IGFBP7: variants seen among roughly 807,000 people sequenced by gnomAD.
IGFBP7 encodes the protein insulin-like growth factor-binding protein 7.
Under a neutral mutation model 29.4 loss-of-function variants are expected in IGFBP7, and 31 were observed. The observed-to-expected ratio is 1.05, with a 90% CI of 0.79 to 1.42. The LOEUF is 1.42. Ranked by LOEUF, IGFBP7 falls within the 40% of genes most tolerant of loss-of-function variation. The pLI, the probability that IGFBP7 is intolerant of heterozygous loss-of-function variation, is 0.00. For synonymous variants in IGFBP7, 172 were observed against 174.9 expected (o/e 0.98, Z 0.13); for missense variants, 393 against 395.5 (o/e 0.99, Z 0.05).
chr4:57,031,028 T>G lies in IGFBP7; in HGVS notation c.*289A>C, dbSNP rs1232480471. 8.3e-7 allele frequency: 1 copy of G among 1,201,052 alleles called. No individual in the cohort carries two copies. The highest frequency in any genetic ancestry group is 1.5e-5 in the African/African-American group (1 of 67,082). The allele number at this position is 1,201,052 out of a possible 1,614,324, so 74.4% of individuals were successfully genotyped here. On this transcript the variant is annotated 3_prime_UTR_variant, in exon 5 of 5. Coordinates refer to ENST00000295666, the MANE Select transcript of IGFBP7 (RefSeq NM_001553.3). The stretch of plus-strand genomic sequence containing the variant: ...TCAACAAGATAATTAAATATCTTGG[T>G]GTCTTGTTTCTATTGTGTGGCTTTT...
chr4:57,046,352 G>C (rs1277303), intron 1 of IGFBP7, among the ~76,000 whole-genome samples: 126,061 of 152,006 alleles, frequency 0.83, 52,560 homozygotes, highest in East Asian at 0.96. Context: ...GGAGAGCACT[G>C]TACTCAATGA....
chr4:57,085,740 C>T (rs1365003205), intron 1 of IGFBP7, among the ~76,000 whole-genome samples: 2 of 152,070 alleles, frequency 1.3e-5, no homozygotes, highest in Non-Finnish European at 2.9e-5. Context: ...AATTGGTTTT[C>T]CACAGCCTTA....
chr4:57,105,133 C>A (rs1296403656), intron 1 of IGFBP7, among the ~76,000 whole-genome samples: 1 of 152,190 alleles, frequency 6.6e-6, no homozygotes, highest in Non-Finnish European at 1.5e-5. Context: ...CCACTCAGGG[C>A]CCAAGGCCTT....
At chr4:57,076,434 G>T (rs764080213) in intron 1 of IGFBP7, among the ~76,000 whole-genome samples, 4 of 152,174 alleles carry the variant, frequency 2.6e-5, no homozygotes, top group Admixed American at 6.6e-5. Context: ...CTTGGCTCTT[G>T]CTTGTCACTC....
At chr4:57,108,578 GT>G (rs1301236719) in intron 1 of IGFBP7, among the ~76,000 whole-genome samples, 18 of 151,386 alleles carry the variant, frequency 1.2e-4, no homozygotes, top group Non-Finnish European at 2.7e-4. Context: ...GTCTCTGTCT[GT>G]CACCCAGGCT....
chr4:57,065,479 A>G (rs1724895967), intron 1 of IGFBP7: 1 of 152,252 alleles, frequency 6.6e-6, no homozygotes, highest in Non-Finnish European at 1.5e-5. Context: ...AAGAAGAGAA[A>G]GTGACTCACT....
chr4:57,048,430 G>A (rs1724420759), intron 1 of IGFBP7, among the ~76,000 whole-genome samples: 1 of 152,190 alleles, frequency 6.6e-6, no homozygotes, highest in Admixed American at 6.5e-5. Context: ...TTATAATCTA[G>A]AAATAGGTAT....
At chr4:57,041,039 AT>A in intron 1 of IGFBP7, 106 bp from the exon 2 acceptor site, 1 of 759,574 alleles carries the variant, frequency 1.3e-6, no homozygotes, top group South Asian at 1.5e-5. Context: ...CATCCCCTTG[AT>A]GGATTATCTG....
intron 1 of IGFBP7, among the ~76,000 whole-genome samples, chr4:57,049,697 T>C (rs36045894): frequency 0.18 from 27,137 of 152,136 alleles, 2,525 homozygotes; most frequent in South Asian, 0.22. Context: ...TTTCTAATGC[T>C]TTCCTTAGCT....
At chr4:57,105,926 A>ATTT (rs1726019344) in intron 1 of IGFBP7, among the ~76,000 whole-genome samples, 1 of 16,408 alleles carries the variant, frequency 6.1e-5, no homozygotes, top group African/African-American at 2.1e-4. Context: ...TTTTTTTTTG[A>ATTT]GATGGAGTCT....
intron 1 of IGFBP7, among the ~76,000 whole-genome samples, chr4:57,070,762 C>T (rs182276401): frequency 4.6e-5 from 7 of 152,326 alleles, no homozygotes. Context: ...CACAAGCCAG[C>T]TCACAAACTG....
At chr4:57,043,968 G>T (rs1418043392) in intron 1 of IGFBP7, among the ~76,000 whole-genome samples, 1 of 152,184 alleles carries the variant, frequency 6.6e-6, no homozygotes, top group Admixed American at 6.5e-5. Context: ...CCCTCATGCT[G>T]CTCTGTTCTC....
At chr4:57,031,959 GGAA>G (rs1420979787) in intron 4 of IGFBP7, 5 of 168,810 alleles carry the variant, frequency 3.0e-5, no homozygotes, top group Non-Finnish European at 6.4e-5. Flanking sequence ...GTTCTTCAGA[GGAA>G]GCTTTTTGGC....
intron 1 of IGFBP7, among the ~76,000 whole-genome samples, chr4:57,041,675 A>C (rs367806055): frequency 3.3e-5 from 5 of 152,094 alleles, no homozygotes; most frequent in African/African-American, 7.2e-5. Context: ...AGCTGGGACT[A>C]TAGGCGTGCA....
At chr4:57,101,254 C>T (rs893833457) in intron 1 of IGFBP7, among the ~76,000 whole-genome samples, 1 of 152,196 alleles carries the variant, frequency 6.6e-6, no homozygotes, top group Non-Finnish European at 1.5e-5. Flanking sequence ...TTGAACCTGT[C>T]GGGTTGGCCT....
chr4:57,055,152 G>A (rs1006511020), intron 1 of IGFBP7, among the ~76,000 whole-genome samples: 1 of 151,792 alleles, frequency 6.6e-6, no homozygotes, highest in African/African-American at 2.4e-5. Flanking sequence ...TGCAGAAATA[G>A]GCAGCAGACA....
chr4:57,108,022 GTAATGTT>G (rs1315282129), intron 1 of IGFBP7, among the ~76,000 whole-genome samples: 1 of 152,178 alleles, frequency 6.6e-6, no homozygotes, highest in Non-Finnish European at 1.5e-5. Context: ...GTTCCCCATT[GTAATGTT>G]TATAAGAAAA....
rs1342501122 is a variant in IGFBP7 at position 57,064,470 on chromosome 4, A to G, written c.476-23537T>C. On this transcript the variant is annotated intron_variant, in intron 1 of 4. Coordinates refer to ENST00000295666, the MANE Select transcript of IGFBP7 (RefSeq NM_001553.3). ...AAGCATAAGCCTCAGTTATACAAAGATGTTAAGAACATTTGTATGGTTTTA... is the reference window on the plus strand; with the variant it reads ...AAGCATAAGCCTCAGTTATACAAAGGTGTTAAGAACATTTGTATGGTTTTA... Among the ~76,000 whole-genome samples the G allele has an allele frequency of 2.0e-5, 3 of 152,252 alleles. No individual in the cohort carries two copies. In the East Asian group the frequency reaches 5.8e-4, roughly 29 times the overall value.
Position 57,041,542 on chromosome 4 carries a change from T to C in IGFBP7, c.476-609A>G, listed in dbSNP as rs187746467. 1.7e-4 allele frequency among the ~76,000 whole-genome samples: 26 copies of C among 152,096 alleles called. 1 individual carries two copies. The East Asian group carries it at 4.1e-3, about 24-fold the overall frequency. On this transcript the variant is annotated intron_variant, in intron 1 of 4. Coordinates refer to ENST00000295666, the MANE Select transcript of IGFBP7 (RefSeq NM_001553.3). ...ATCTTTATTTTTAATTTAATTTTATTATTATTTTTTTGATACAGAATCTCA... is the reference window on the plus strand; with the variant it reads ...ATCTTTATTTTTAATTTAATTTTATCATTATTTTTTTGATACAGAATCTCA...
Sources: allele counts gnomAD v4.1 joint callset (sites outside exome capture counted in the v4.1 genomes callset), GRCh38; gene constraint gnomAD v4.1.1; transcripts MANE v1.5; gene names NCBI Gene and HGNC (gene_info 2026-07-23, HGNC 2026-07-21).